Variants in OTOGL observed in about 807,000 individuals in gnomAD.
The protein encoded by OTOGL is otogelin-like protein.
A neutral mutation model predicts 318.5 loss-of-function variants in OTOGL; 285 were observed. The ratio of observed to expected loss-of-function variants is 0.89; its 90% CI spans 0.81 to 0.99. The LOEUF is 0.99. OTOGL is among the 50% of genes least tolerant of loss of function. The probability of loss-of-function intolerance (pLI) is 0.00; values close to 1 mark genes in which losing one functional copy is unlikely to be tolerated. For missense variants in OTOGL, 2,899 were observed against 2,845.6 expected, an observed-to-expected ratio of 1.02 and a Z score of -0.43; for synonymous variants, 987 against 936.5, an observed-to-expected ratio of 1.05 and a Z score of -0.99.
chr12:80,298,864 T>C (rs1047787541), intron 27 of OTOGL, among the ~76,000 whole-genome samples: 1 of 152,166 alleles, frequency 6.6e-6, no homozygotes, highest in Non-Finnish European at 1.5e-5. Flanking sequence ...TCTTGAATGG[T>C]ACAAGATATT....
At chr12:80,338,259 G>A (rs1409951081) in intron 42 of OTOGL, among the ~76,000 whole-genome samples, 1 of 152,066 alleles carries the variant, frequency 6.6e-6, no homozygotes, top group Non-Finnish European at 1.5e-5. Context: ...CTTATAGTTT[G>A]TAGTCGGATC....
intron 43 of OTOGL, 123 bp downstream of exon 43, chr12:80,339,387 A>T: frequency 2.6e-6 from 2 of 765,424 alleles, no homozygotes; most frequent in Non-Finnish European, 4.0e-6. Flanking sequence ...TGTGATATTA[A>T]CTTTCAGTTC....
At chr12:80,282,111 A>G (rs954597950) in intron 26 of OTOGL, among the ~76,000 whole-genome samples, 3 of 151,908 alleles carry the variant, frequency 2.0e-5, no homozygotes, top group African/African-American at 7.2e-5. Flanking sequence ...AATTTTAGGC[A>G]TTACTGATCA....
chr12:80,265,956 C>T (rs1032738105), intron 20 of OTOGL: 1 of 152,518 alleles, frequency 6.6e-6, no homozygotes, highest in Non-Finnish European at 1.5e-5. Context: ...TTAGAGGTAA[C>T]TTTTTAATCA....
intron 18 of OTOGL, among the ~76,000 whole-genome samples, chr12:80,259,728 C>T (rs895465642): frequency 1.3e-5 from 2 of 152,054 alleles, no homozygotes; most frequent in Admixed American, 1.3e-4. Context: ...TTTTTCATGG[C>T]TGCATAGTAC....
intron 1 of OTOGL, chr12:80,132,015 G>A (rs1479904149): frequency 2.0e-5 from 3 of 152,232 alleles, no homozygotes; most frequent in Non-Finnish European, 2.9e-5. Context: ...AGTATCAACC[G>A]GGAACTTACT....
rs1213373643 is a variant in OTOGL at position 80,209,447 on chromosome 12, A to C, written c.16A>C (p.Lys6Gln). ...CTACACTGAAATGAACATTGTAAGAAAACTCAATTTAATGATACCTTGGAG... is the reference window on the plus strand; with the variant it reads ...CTACACTGAAATGAACATTGTAAGACAACTCAATTTAATGATACCTTGGAG... MNIVR[K>Q]LNLMIPWSIF... The change falls in exon 2 of 59, where the codon AAA becomes CAA. Residue 6 changes from lysine to glutamine, a missense_variant. Around this residue, in one of 3 missense-constraint regions of OTOGL, gnomAD observed 2,607 missense variants for 2,524.9 expected, o/e 1.03. Coordinates refer to ENST00000547103, the MANE Select transcript of OTOGL (RefSeq NM_001378609.3). 1 of 1,507,422 alleles carries C rather than the reference A, an allele frequency of 6.6e-7. No homozygotes were observed. The highest frequency in any genetic ancestry group is 2.0e-5 in the Admixed American group (1 of 49,464). The allele number at this position is 1,507,422 out of a possible 1,614,324, so 93.4% of individuals were successfully genotyped here.
chr12:80,341,405 C>A (rs147459640), intron 43 of OTOGL, among the ~76,000 whole-genome samples: 28 of 152,296 alleles, frequency 1.8e-4, no homozygotes, highest in African/African-American at 6.5e-4. Flanking sequence ...TTACCTGGAA[C>A]AGTTGCTAAT....
chr12:80,217,059 A>G (rs938128756), intron 4 of OTOGL, among the ~76,000 whole-genome samples: 7 of 152,196 alleles, frequency 4.6e-5, no homozygotes, highest in Non-Finnish European at 8.8e-5. Context: ...GAAACAGCAG[A>G]TGCTTCTGTG....
At position 80,341,261 on chromosome 12, in the gene OTOGL, G is replaced by A. The variant is rs1401282244; in HGVS notation, c.5051-687G>A. On this transcript the variant is annotated intron_variant, in intron 43 of 58. Coordinates refer to ENST00000547103, the MANE Select transcript of OTOGL (RefSeq NM_001378609.3). ...TAAATAGAGGCTGCAGCAGGTCAAGGCATCCCAAGGAAGGGAAATTGCCTG... is the reference window on the plus strand; with the variant it reads ...TAAATAGAGGCTGCAGCAGGTCAAGACATCCCAAGGAAGGGAAATTGCCTG... 2.0e-5 allele frequency among the ~76,000 whole-genome samples: 3 copies of A among 152,102 alleles called. No individual in the cohort carries two copies. The South Asian group carries it at 6.2e-4, about 32-fold the overall frequency.
Position 80,367,472 on chromosome 12 carries a change from A to G in OTOGL, c.6332-89A>G, listed in dbSNP as rs1460048579. ...TTTGAAAAATTGGCACATCGCAATG[A>G]AAACATAGACTCAAATATAAGTTCC... On this transcript the variant is annotated intron_variant, in intron 53 of 58. Coordinates refer to ENST00000547103, the MANE Select transcript of OTOGL (RefSeq NM_001378609.3). 4 of 1,070,206 alleles carry G rather than the reference A, an allele frequency of 3.7e-6. No individual in the cohort carries two copies. In the African/African-American group the frequency reaches 6.8e-5, roughly 18 times the overall value. The allele number at this position is 1,070,206 out of a possible 1,614,324, so 66.3% of individuals were successfully genotyped here. A position where few individuals can be genotyped will look rare whatever the true frequency, so the allele number is the denominator to read the frequency against.
At chr12:80,350,095 C>T (rs983535966) in intron 44 of OTOGL, among the ~76,000 whole-genome samples, 21 of 152,172 alleles carry the variant, frequency 1.4e-4, no homozygotes, top group Non-Finnish European at 5.9e-5. Context: ...ACCATAATTC[C>T]TTGCTCAATT....
At chr12:80,318,755 T>C in intron 33 of OTOGL, 42 bp downstream of exon 33, 1 of 1,168,326 alleles carries the variant, frequency 8.6e-7, no homozygotes, top group Non-Finnish European at 1.1e-6. Context: ...TCCAATTACA[T>C]TTTAAAATTT....
chr12:80,159,899 G>A (rs1873388107), intron 1 of OTOGL, among the ~76,000 whole-genome samples: 1 of 151,988 alleles, frequency 6.6e-6, no homozygotes, highest in South Asian at 2.1e-4. Flanking sequence ...TATAAAAATA[G>A]GCACATAAAC....
At chr12:80,110,239 T>A (rs2137078337) in intron 1 of OTOGL, among the ~76,000 whole-genome samples, 1 of 152,118 alleles carries the variant, frequency 6.6e-6, no homozygotes, top group East Asian at 1.9e-4. Flanking sequence ...GGCTAATTTT[T>A]TGTATTTTTA....
chr12:80,194,791 T>C (rs1224640284), intron 1 of OTOGL, among the ~76,000 whole-genome samples: 1 of 152,190 alleles, frequency 6.6e-6, no homozygotes, highest in African/African-American at 2.4e-5. Context: ...AAATAAACTT[T>C]CGCTTGTTTT....
chr12:80,138,293 A>C (rs570133219), intron 1 of OTOGL, among the ~76,000 whole-genome samples: 1 of 152,248 alleles, frequency 6.6e-6, no homozygotes, highest in Non-Finnish European at 1.5e-5. Context: ...TAATTTTCTT[A>C]TTCTTTCATA....
At chr12:80,244,885 A>T (rs1345232697) in intron 11 of OTOGL, among the ~76,000 whole-genome samples, 9 of 145,466 alleles carry the variant, frequency 6.2e-5, no homozygotes, top group Admixed American at 1.3e-4. Context: ...GATATCTCAT[A>T]GTGGTTTTGA....
chr12:80,252,969 C>T (rs552388933), intron 13 of OTOGL, among the ~76,000 whole-genome samples: 12 of 152,304 alleles, frequency 7.9e-5, no homozygotes, highest in African/African-American at 2.9e-4. Context: ...GAATGAAACA[C>T]TGTGCTTAGT....
Sources: allele counts gnomAD v4.1 joint callset (sites outside exome capture counted in the v4.1 genomes callset), GRCh38; gene constraint gnomAD v4.1.1; regional missense constraint gnomAD v4.1.1; transcripts MANE v1.5; gene names NCBI Gene and HGNC (gene_info 2026-07-23, HGNC 2026-07-21).